BORA: variants seen among roughly 807,000 people sequenced by gnomAD.
BORA encodes BORA aurora kinase A activator, also known as protein aurora borealis.
A neutral mutation model predicts 55.8 loss-of-function variants in BORA; 26 were observed. The ratio of observed to expected loss-of-function variants is 0.47; its 90% confidence interval spans 0.34 to 0.65. The LOEUF (loss-of-function observed/expected upper bound fraction) is 0.65, where lower values mean the gene tolerates loss of function less well. Ranked by LOEUF, BORA falls within the 30% of genes least tolerant of loss-of-function variation. BORA has a pLI of 0.01. For missense variants in BORA, 568 were observed against 671.5 expected (o/e 0.85, Z 1.70); for synonymous variants, 201 against 216.9 (o/e 0.93, Z 0.64).
intron 10 of BORA, among the ~76,000 whole-genome samples, chr13:72,748,845 T>TA (rs1372366262): frequency 6.6e-6 from 1 of 152,186 alleles, no homozygotes; most frequent in Non-Finnish European, 1.5e-5. Flanking sequence ...AAGCCGTGGG[T>TA]AGCATATTCT....
Position 72,745,119 on chromosome 13 carries a change from A to C in BORA, c.650A>C (p.His217Pro). ...CCTTCGGCTTCTCCCGGAAGTCCTCACAGTGGTGTTCAAACATCACTAGAG... is the reference window on the plus strand; with the variant it reads ...CCTTCGGCTTCTCCCGGAAGTCCTCCCAGTGGTGTTCAAACATCACTAGAG... ...SLPSASPGSP[H>P]SGVQTSLEMF... The change falls in exon 8 of 12, where the codon CAC becomes CCC. Residue 217 changes from histidine to proline, a missense_variant. Physicochemically the swap from His to Pro is moderately conservative, Grantham distance 77. Transcript: ENST00000390667. 6.2e-7 allele frequency: 1 copy of C among 1,614,172 alleles called. No homozygotes were observed.
chr13:72,745,110 G>T lies in BORA; in HGVS notation c.641G>T (p.Gly214Val). 1 of 1,614,110 alleles carries T rather than the reference G, an allele frequency of 6.2e-7. No homozygotes were observed. The highest frequency in any genetic ancestry group is 8.5e-7 in the Non-Finnish European group (1 of 1,179,974). Residue 214 changes from glycine (G) to valine (V), a missense_variant, in exon 8 of 12, where the codon GGA (glycine) becomes GTA (valine). Transcript: ENST00000390667. ...ISDSLPSASP[G>V]SPHSGVQTSL... is the part of the protein sequence containing the mutation. ...GACTCCTTACCTTCGGCTTCTCCCG[G>T]AAGTCCTCACAGTGGTGTTCAAACA...
rs938803982 is a variant in BORA, at chr13:72,753,910, A to G, written c.1614+89A>G. The G allele has an allele frequency of 2.4e-6, 3 of 1,262,250 alleles. No individual in the cohort carries two copies. In the African/African-American group the frequency reaches 4.6e-5, roughly 19 times the overall value. 78.2% of individuals were successfully genotyped at this position (1,262,250 alleles called of 1,614,324 possible). On this transcript the variant is annotated intron_variant, in intron 11 of 11. Coordinates refer to ENST00000390667, the MANE Select transcript of BORA (RefSeq NM_024808.5). ...TATTAGACAATAGTACTATTGAGAA[A>G]CTATATGAAATTTAAAACACTAAAA... is the stretch of plus-strand genomic sequence containing the variant.
At chr13:72,728,247 C>A in intron 1 of BORA, 1 of 706,418 alleles carries the variant, frequency 1.4e-6, no homozygotes, top group Non-Finnish European at 2.6e-6. Flanking sequence ...TCTTTTCCAC[C>A]CCACCCCGCC....
chr13:72,731,965 G>T (rs2032829364), intron 3 of BORA, among the ~76,000 whole-genome samples: 1 of 152,054 alleles, frequency 6.6e-6, no homozygotes, highest in Non-Finnish European at 1.5e-5. Context: ...GTGTTGTTTA[G>T]GTTTCAAGGC....
intron 11 of BORA, 58 bp downstream of exon 11, chr13:72,753,879 TTTGA>T: frequency 1.4e-6 from 2 of 1,476,874 alleles, no homozygotes; most frequent in Non-Finnish European, 1.9e-6. Context: ...ATAAAATAAT[TTTGA>T]TTATTAGACA....
rs774725351 is a variant in BORA at position 72,753,781 on chromosome 13, CAT to C, written c.1575_1576del (p.Cys526Ter). 164 of 1,613,240 alleles carry C rather than the reference CAT, an allele frequency of 1.0e-4. 1 individual carries two copies. The highest frequency in any genetic ancestry group is 6.3e-4 in the Admixed American group (38 of 59,998). On this transcript the variant is annotated frameshift_variant, in exon 11 of 12. Coordinates refer to ENST00000390667, the MANE Select transcript of BORA (RefSeq NM_024808.5). LOFTEE classifies it low-confidence loss of function (END_TRUNC). ...TACTGCAAAGAAAGTGATGCACAAA[CAT>C]GTGAAGTTGAGAGTAAATCTCAAGC...
chr13:72,755,006 T>C (rs2033409911), intron 11 of BORA, 145 bp from the exon 12 acceptor site: 1 of 618,178 alleles, frequency 1.6e-6, no homozygotes, highest in African/African-American at 1.9e-5. Flanking sequence ...TGCAGAATAT[T>C]GATTTATAAA....
In BORA at chr13:72,728,011, G is replaced by A. The variant is rs2032713527; in HGVS notation, c.-16+4G>A. 1 of 1,427,698 alleles carries A rather than the reference G, an allele frequency of 7.0e-7. No homozygotes were observed. Among genetic ancestry groups the A allele is most frequent in the African/African-American group, 1.8e-5 (1 of 56,748 alleles). 88.4% of individuals were successfully genotyped at this position (1,427,698 alleles called of 1,614,324 possible). On this transcript the variant is annotated splice_donor_region_variant and intron_variant, in intron 1 of 11. Coordinates refer to ENST00000390667, the MANE Select transcript of BORA (RefSeq NM_024808.5). ...GGGCTTCGTTTTGTACGCACCGGTA[G>A]GTACGCTCTTTGTGGTCCCTGGCCT...
chr13:72,743,421 T>G (rs1019879492), intron 5 of BORA, 116 bp from the exon 6 acceptor site: 9 of 592,520 alleles, frequency 1.5e-5, no homozygotes, highest in Non-Finnish European at 2.5e-5. Flanking sequence ...TATGCAGATT[T>G]TTTTTAATGT....
At chr13:72,728,420 G>A (rs1356880795) in intron 1 of BORA, among the ~76,000 whole-genome samples, 1 of 152,188 alleles carries the variant, frequency 6.6e-6, no homozygotes, top group East Asian at 1.9e-4. Context: ...TCTCTGGCTA[G>A]GACTCATGTG....
Position 72,727,978 on chromosome 13 carries a change from G to A in BORA, c.-45G>A, listed in dbSNP as rs1276699356. The A allele has an allele frequency of 3.9e-6, 6 of 1,550,026 alleles. No homozygotes were observed. Among genetic ancestry groups the A allele is most frequent in the Non-Finnish European group, 1.7e-6 (2 of 1,146,910 alleles). On this transcript the variant is annotated 5_prime_UTR_variant, in exon 1 of 12. Coordinates refer to ENST00000390667, the MANE Select transcript of BORA (RefSeq NM_024808.5). Reference sequence around the variant, plus strand: ...CTGGCCCCCGGAGCTCCCTGGAGTCGGTACTGGGGGCTTCGTTTTGTACGC... The same window carrying A: ...CTGGCCCCCGGAGCTCCCTGGAGTCAGTACTGGGGGCTTCGTTTTGTACGC...
rs1240954647 is a variant in BORA, at chr13:72,755,176, G to C, written c.1640G>C (p.Trp547Ser). 1 of 1,613,760 alleles carries C rather than the reference G, an allele frequency of 6.2e-7. No homozygotes were observed. Among genetic ancestry groups the C allele is most frequent in the Non-Finnish European group, 8.5e-7 (1 of 1,179,852 alleles). ...CAAGACCACACAACACAGAGGTGTT[G>C]GATGAAAACAGCAAGCCCTTTTCAA... ...MKQDHTTQRC[W>S]MKTASPFQCS... Residue 547 changes from tryptophan to serine, a missense_variant, in exon 12 of 12, where the codon TGG becomes TCG. Coordinates refer to ENST00000390667, the MANE Select transcript of BORA (RefSeq NM_024808.5).
At position 72,746,540 on chromosome 13, in the gene BORA, C is replaced by G; in HGVS notation, c.911C>G (p.Ser304Cys). The change falls in exon 10 of 12, where the codon TCT becomes TGT. Residue 304 changes from serine to cysteine, a missense_variant. Ser to Cys is a moderately radical substitution (Grantham distance 112). Transcript: ENST00000390667. Reference sequence around the variant, plus strand: ...ACTGTTCATTCTCCTGATGCTTCATCTGGAACAAATTCTAATGGGATAACT... The same window carrying G: ...ACTGTTCATTCTCCTGATGCTTCATGTGGAACAAATTCTAATGGGATAACT... ...KFTVHSPDASSGTNSNGITNP... is the reference protein window; with the variant it reads ...KFTVHSPDASCGTNSNGITNP... 6.2e-7 allele frequency: 1 copy of G among 1,613,662 alleles called. No homozygotes were observed.
intron 2 of BORA, among the ~76,000 whole-genome samples, chr13:72,730,127 C>T (rs1270070274): frequency 6.6e-6 from 1 of 152,010 alleles, no homozygotes; most frequent in Non-Finnish European, 1.5e-5. Flanking sequence ...ATTTGCTACA[C>T]TGGATAAGTT....
At chr13:72,731,200 ATAT>A in intron 2 of BORA, 78 bp from the exon 3 acceptor site, 1 of 801,848 alleles carries the variant, frequency 1.2e-6, no homozygotes. Context: ...ATAACCATTC[ATAT>A]TATTTCTCAC....
At position 72,753,579 on chromosome 13, in the gene BORA, CAT is replaced by C. The variant is rs2033340997; in HGVS notation, c.1483-110_1483-109del. The C allele has an allele frequency of 4.5e-6, 5 of 1,122,612 alleles. No individual in the cohort carries two copies. The South Asian group carries it at 4.9e-5, about 11-fold the overall frequency. The allele number at this position is 1,122,612 out of a possible 1,614,324, so 69.5% of individuals were successfully genotyped here. On this transcript the variant is annotated intron_variant, in intron 10 of 11. Coordinates refer to ENST00000390667, the MANE Select transcript of BORA (RefSeq NM_024808.5). ...ATTTTGTTCAACATGATCAATATTA[CAT>C]GTTAGGATCATTCAGATGTAGTGAA...
rs1403269046 is a variant in BORA, at chr13:72,753,736, A to G, written c.1529A>G (p.Asp510Gly). 5 of 1,613,560 alleles carry G rather than the reference A, an allele frequency of 3.1e-6. No individual in the cohort carries two copies. Among genetic ancestry groups the G allele is most frequent in the South Asian group, 1.1e-5 (1 of 91,048 alleles). Residue 510 changes from aspartate (D) to glycine (G), a missense_variant, in exon 11 of 12, where the codon GAT becomes GGT. By Grantham distance (94) the Asp-to-Gly change is moderately conservative (BLOSUM62 -1). Coordinates refer to ENST00000390667, the MANE Select transcript of BORA (RefSeq NM_024808.5). ...NTQNCGSNIMDTVGAESYCKE... is the reference protein window; with the variant it reads ...NTQNCGSNIMGTVGAESYCKE... ...CAGAATTGTGGAAGCAATATTATGG[A>G]TACAGTTGGGGCAGAAAGTTACTGC...
Position 72,745,183 on chromosome 13 carries a change from G to C in BORA, c.714G>C (p.Arg238Ser). The part of the protein sequence containing the change: ...YSIDLSPVKC[R>S]SPLQTPSSGQ... ...TAGATTTGTCTCCTGTAAAGTGTAG[G>C]AGCCCCTTGCAGACACCAAGTTCGG... is the stretch of plus-strand genomic sequence containing the variant. The change falls in exon 8 of 12, where the codon AGG becomes AGC. Residue 238 changes from arginine to serine, a missense_variant. Coordinates refer to ENST00000390667, the MANE Select transcript of BORA (RefSeq NM_024808.5). 6.2e-7 allele frequency: 1 copy of C among 1,613,956 alleles called. No homozygotes were observed. Among genetic ancestry groups the C allele is most frequent in the Non-Finnish European group, 8.5e-7 (1 of 1,179,886 alleles).
Sources: gnomAD v4.1 joint callset for allele counts (sites outside exome capture counted in the v4.1 genomes callset) on GRCh38, gnomAD v4.1.1 for gene constraint, MANE v1.5 for transcripts, NCBI Gene and HGNC (gene_info 2026-07-23, HGNC 2026-07-21) for gene names.